The following LYZL2 variants were observed in gnomAD, a reference collection of about 807,000 sequenced individuals.
The protein encoded by LYZL2 is lysozyme like 2.
A neutral mutation model predicts 17.1 loss-of-function variants in LYZL2; 13 were observed. The ratio of observed to expected loss-of-function variants is 0.76; its 90% CI spans 0.49 to 1.21. The LOEUF is 1.21. Among genes scored for constraint, LYZL2 ranks in the 50% most tolerant of loss-of-function variants. The probability of loss-of-function intolerance (pLI) is 0.00; values close to 1 mark genes in which losing one functional copy is unlikely to be tolerated. For synonymous variants in LYZL2, 63 were observed against 74.4 expected, an observed-to-expected ratio of 0.85 and a Z score of 0.79; for missense variants, 166 against 189.2, an observed-to-expected ratio of 0.88 and a Z score of 0.72.
chr10:30,627,454 T>C (rs565709530), intron 1 of LYZL2, among the ~76,000 whole-genome samples: 1 of 151,830 alleles, frequency 6.6e-6, no homozygotes, highest in African/African-American at 2.4e-5. Context: ...TGAAGCCCTT[T>C]ATGATGATCC....
the LYZL2 span, among the ~76,000 whole-genome samples, chr10:30,606,703 A>T: frequency 6.6e-6 from 1 of 152,136 alleles, no homozygotes; most frequent in East Asian, 1.9e-4. Flanking sequence ...GGCTTAACTT[A>T]ACTCTGGCAG....
intron 3 of LYZL2, among the ~76,000 whole-genome samples, chr10:30,623,122 T>G (rs919960618): frequency 6.6e-6 from 1 of 152,096 alleles, no homozygotes; most frequent in Non-Finnish European, 1.5e-5. Context: ...CCTCAAAGAA[T>G]ATATGCCTAA....
chr10:30,615,998 A>G (rs2132938453), intron 3 of LYZL2, among the ~76,000 whole-genome samples: 1 of 152,358 alleles, frequency 6.6e-6, no homozygotes, highest in South Asian at 2.1e-4. Context: ...AATTTTTTAC[A>G]ATTGAAATGT....
intron 1 of LYZL2, among the ~76,000 whole-genome samples, chr10:30,629,237 C>T (rs1392210823): frequency 6.6e-6 from 1 of 151,996 alleles, no homozygotes; most frequent in Non-Finnish European, 1.5e-5. Context: ...CTACAAAATA[C>T]ACAAAAATTA....
rs755123176 is a variant in LYZL2 at position 30,626,773 on chromosome 10, TCA to T, written c.139+2_139+3del. 47 of 1,614,080 alleles carry T rather than the reference TCA, an allele frequency of 2.9e-5. No homozygotes were observed. The Admixed American group carries it at 7.8e-4, about 27-fold the overall frequency. On this transcript the variant is annotated splice_donor_variant and splice_donor_region_variant and intron_variant, in intron 2 of 4. Coordinates refer to ENST00000647634, the MANE Select transcript of LYZL2 (RefSeq NM_183058.3). LOFTEE classifies it high-confidence loss of function. ...GAAAGAGAGCAGGAAAGAAATAATCTCACAGTTTCCAAGGCTGAAGCCCCAGT... is the reference window on the plus strand; with the variant it reads ...GAAAGAGAGCAGGAAAGAAATAATCTCAGTTTCCAAGGCTGAAGCCCCAGT...
At chr10:30,628,446 C>T (rs1206194030) in intron 1 of LYZL2, among the ~76,000 whole-genome samples, 1 of 152,128 alleles carries the variant, frequency 6.6e-6, no homozygotes, top group Non-Finnish European at 1.5e-5. Context: ...AAAGAGGCCC[C>T]CATAGAATCG....
In LYZL2 at chr10:30,614,006, C is replaced by A. The variant is rs530081369; in HGVS notation, c.299-1106G>T. On this transcript the variant is annotated intron_variant, in intron 3 of 4. Coordinates refer to ENST00000647634, the MANE Select transcript of LYZL2 (RefSeq NM_183058.3). ...ATTACAGACATGAGCCACCATGCCC[C>A]GCCACCTATTATTTTTTCTATTGCT... 8.5e-5 allele frequency among the ~76,000 whole-genome samples: 13 copies of A among 152,072 alleles called. No homozygotes were observed. The South Asian group carries it at 2.3e-3, about 27-fold the overall frequency.
Position 30,618,250 on chromosome 10 carries a change from C to A in LYZL2, c.299-5350G>T, listed in dbSNP as rs1247679212. ...AATATCGTGAAAATGGCCATACTGC[C>A]CAAGGTAATTTATAGATTCAATGCC... On this transcript the variant is annotated intron_variant, in intron 3 of 4. Transcript: ENST00000647634. Among the ~76,000 whole-genome samples, 7 of 152,098 alleles carry A rather than the reference C, an allele frequency of 4.6e-5. No homozygotes were observed. The South Asian group carries it at 1.0e-3, about 22-fold the overall frequency.
At chr10:30,609,243 C>G (rs1056814739), downstream of LYZL2, among the ~76,000 whole-genome samples, 7 of 152,182 alleles carry the variant, frequency 4.6e-5, no homozygotes, top group Admixed American at 6.5e-5. Flanking sequence ...AAGTAGCTTA[C>G]AGGCTGGATG....
chr10:30,612,123 A>T, intron 4 of LYZL2, 99 bp from the exon 5 acceptor site: 1 of 1,436,188 alleles, frequency 7.0e-7, no homozygotes, highest in South Asian at 1.2e-5. Context: ...TCGCCAGCGG[A>T]ACCCTGGGTT....
At chr10:30,617,100 T>C (rs2132939862) in intron 3 of LYZL2, among the ~76,000 whole-genome samples, 1 of 152,216 alleles carries the variant, frequency 6.6e-6, no homozygotes, top group South Asian at 2.1e-4. Context: ...GGGCTGTCTC[T>C]AGGGGTTGGA....
intron 3 of LYZL2, among the ~76,000 whole-genome samples, chr10:30,614,511 T>C (rs1246407609): frequency 6.6e-6 from 1 of 152,206 alleles, no homozygotes; most frequent in Admixed American, 6.5e-5. Context: ...ATCACACAAC[T>C]GCAGCGGGGG....
Position 30,612,028 on chromosome 10 carries a change from AGGAC to A in LYZL2, c.378-8_378-5del. On this transcript the variant is annotated splice_region_variant and splice_polypyrimidine_tract_variant and intron_variant, in intron 4 of 4. Coordinates refer to ENST00000647634, the MANE Select transcript of LYZL2 (RefSeq NM_183058.3). Reference sequence around the variant, plus strand: ...ACAGTGTTTCTTCCAGCCTTGCCTGAGGACGAGAGGGAAGCAAGAGCAGCAGAAA... The same window carrying A: ...ACAGTGTTTCTTCCAGCCTTGCCTGAGAGAGGGAAGCAAGAGCAGCAGAAA... 1 of 1,613,974 alleles carries A rather than the reference AGGAC, an allele frequency of 6.2e-7. No individual in the cohort carries two copies. The highest frequency in any genetic ancestry group is 1.6e-4 in the Middle Eastern group (1 of 6,062).
At position 30,611,998 on chromosome 10, in the gene LYZL2, C is replaced by T. The variant is rs776269376; in HGVS notation, c.404G>A (p.Gly135Glu). 6.2e-7 allele frequency: 1 copy of T among 1,614,122 alleles called. No individual in the cohort carries two copies. The highest frequency in any genetic ancestry group is 8.5e-7 in the Non-Finnish European group (1 of 1,180,014). ...YWQGWKKHCE[G>E]RDLSDWKKDC... ...TTTTTTCCAGTCGGACAGGTCTCTC[C>T]CCTCACAGTGTTTCTTCCAGCCTTG... The change falls in exon 5 of 5, where the codon GGG (glycine) becomes GAG (glutamate). Residue 135 changes from glycine to glutamate, a missense_variant. Physicochemically the swap from Gly to Glu is moderately conservative, Grantham distance 98 (BLOSUM62 -2). This residue lies in a region of LYZL2 where 134 missense variants were observed against 129.4 expected (regional missense o/e 1.04). Transcript: ENST00000647634.
At position 30,615,234 on chromosome 10, in the gene LYZL2, A is replaced by G. The variant is rs184585550; in HGVS notation, c.299-2334T>C. Among the ~76,000 whole-genome samples the G allele has an allele frequency of 8.5e-5, 13 of 152,390 alleles. No individual in the cohort carries two copies. In the East Asian group the frequency reaches 2.3e-3, roughly 27 times the overall value. ...AAAGAAGGAAATGCTGACATTTGCA[A>G]CAACATGGAAGAACGGAAGGACGTC... On this transcript the variant is annotated intron_variant, in intron 3 of 4. Coordinates refer to ENST00000647634, the MANE Select transcript of LYZL2 (RefSeq NM_183058.3).
At chr10:30,622,581 A>G (rs994271609) in intron 3 of LYZL2, among the ~76,000 whole-genome samples, 28 of 147,792 alleles carry the variant, frequency 1.9e-4, no homozygotes, top group Non-Finnish European at 2.8e-4. Flanking sequence ...AAAGAAAAAG[A>G]AAAAACTAGT....
chr10:30,616,448 G>A (rs1020435708), intron 3 of LYZL2, among the ~76,000 whole-genome samples: 1 of 152,244 alleles, frequency 6.6e-6, no homozygotes, highest in African/African-American at 2.4e-5. Context: ...ACTTTGGGAG[G>A]CTGAGGCGGG....
At chr10:30,608,329 T>C (rs1268329900), downstream of LYZL2, among the ~76,000 whole-genome samples, 2 of 152,258 alleles carry the variant, frequency 1.3e-5, no homozygotes, top group Non-Finnish European at 2.9e-5. Flanking sequence ...TTTAGATATC[T>C]AGATCATTTT....
At chr10:30,616,517 C>G (rs1214095334) in intron 3 of LYZL2, among the ~76,000 whole-genome samples, 3 of 152,210 alleles carry the variant, frequency 2.0e-5, no homozygotes, top group Admixed American at 2.0e-4. Context: ...CATCTCAAAA[C>G]AAACAATCAA....
Sources: allele counts gnomAD v4.1 joint callset (sites outside exome capture counted in the v4.1 genomes callset), GRCh38; gene constraint gnomAD v4.1.1; regional missense constraint gnomAD v4.1.1; transcripts MANE v1.5; gene names NCBI Gene and HGNC (gene_info 2026-07-23, HGNC 2026-07-21).